Variants in EHBP1 observed in about 807,000 individuals in gnomAD.
EHBP1 encodes EH domain-binding protein 1.
EHBP1 carries 55 observed loss-of-function variants against 144.0 expected under a neutral mutation model. That is an observed-to-expected ratio of 0.38 (90% CI 0.31 to 0.48). The LOEUF (loss-of-function observed/expected upper bound fraction) is 0.48, where lower values mean the gene tolerates loss of function less well. EHBP1 is among the 20% of genes least tolerant of loss of function. The pLI, the probability that EHBP1 is intolerant of heterozygous loss-of-function variation, is 0.98. For missense variants in EHBP1, 1,200 were observed against 1,364.2 expected (o/e 0.88, Z 1.90); for synonymous variants, 469 against 472.7 (o/e 0.99, Z 0.10).
At chr2:62,931,365 C>T (rs1305013497) in intron 10 of EHBP1, among the ~76,000 whole-genome samples, 1 of 152,016 alleles carries the variant, frequency 6.6e-6, no homozygotes, top group African/African-American at 2.4e-5. Flanking sequence ...CTTCAATCCC[C>T]AAAGAAAAAT....
rs141381039 is a variant in EHBP1 at position 63,015,952 on chromosome 2, G to A, written c.3103+19186G>A. Reference sequence around the variant, plus strand: ...AGGCTTTAATATTTCCTCTGCAAAGGAACTTTTCATAAACAGAAACAAAAT... The same window carrying A: ...AGGCTTTAATATTTCCTCTGCAAAGAAACTTTTCATAAACAGAAACAAAAT... On this transcript the variant is annotated intron_variant, in intron 19 of 22. Transcript: ENST00000431489. 8.3e-3 allele frequency among the ~76,000 whole-genome samples: 1,262 copies of A among 152,108 alleles called. 13 individuals carry two copies. Among genetic ancestry groups the A allele is most frequent in the South Asian group, 0.014 (69 of 4,810 alleles).
intron 15 of EHBP1, chr2:62,988,168 GCTTAGTCCAC>G (rs922521091): frequency 3.4e-6 from 2 of 579,860 alleles, no homozygotes; most frequent in African/African-American, 2.0e-5. Context: ...AAACCATTTA[GCTTAGTCCAC>G]CTTCCATCAA....
intron 3 of EHBP1, among the ~76,000 whole-genome samples, chr2:62,751,977 A>G (rs866923998): frequency 2.7e-4 from 39 of 145,338 alleles, no homozygotes; most frequent in African/African-American, 8.9e-4. Flanking sequence ...TTGTGTCTCT[A>G]TCTCCTTCAG....
intron 10 of EHBP1, among the ~76,000 whole-genome samples, chr2:62,900,397 G>T (rs1461523372): frequency 1.3e-5 from 2 of 152,038 alleles, no homozygotes; most frequent in Non-Finnish European, 2.9e-5. Flanking sequence ...GGGGGACACA[G>T]GACTGCTTAA....
At chr2:62,886,135 A>G (rs549623154) in intron 10 of EHBP1, among the ~76,000 whole-genome samples, 1 of 152,156 alleles carries the variant, frequency 6.6e-6, no homozygotes, top group Non-Finnish European at 1.5e-5. Flanking sequence ...CACCTTATAT[A>G]ATGGCTTCCT....
chr2:62,981,545 A>G (rs910942263), intron 15 of EHBP1, among the ~76,000 whole-genome samples: 1 of 152,190 alleles, frequency 6.6e-6, no homozygotes, highest in Non-Finnish European at 1.5e-5. Flanking sequence ...TAAAAATCCT[A>G]TTAATGATAT....
At chr2:62,942,967 T>C in intron 11 of EHBP1, 71 bp downstream of exon 11, 1 of 1,146,172 alleles carries the variant, frequency 8.7e-7, no homozygotes, top group Non-Finnish European at 1.2e-6. Flanking sequence ...CATAAAATAA[T>C]TTCTTAGCAC....
intron 3 of EHBP1, among the ~76,000 whole-genome samples, chr2:62,755,599 A>G (rs2040204731): frequency 1.3e-5 from 2 of 152,214 alleles, no homozygotes; most frequent in Non-Finnish European, 2.9e-5. Flanking sequence ...AATATTGAAG[A>G]GTTTCAGTGG....
chr2:62,737,760 A>T (rs1360095900), intron 2 of EHBP1, among the ~76,000 whole-genome samples: 2 of 150,920 alleles, frequency 1.3e-5, no homozygotes, highest in Non-Finnish European at 3.0e-5. Context: ...GTCTGTCTTT[A>T]AAAAAAAAGA....
intron 8 of EHBP1, among the ~76,000 whole-genome samples, chr2:62,860,294 A>C (rs2049400517): frequency 6.6e-6 from 1 of 152,182 alleles, no homozygotes; most frequent in Non-Finnish European, 1.5e-5. Flanking sequence ...GTTTGCGCCC[A>C]GCCTGACCAA....
intron 3 of EHBP1, among the ~76,000 whole-genome samples, chr2:62,755,067 C>G (rs1317407095): frequency 6.6e-6 from 1 of 152,230 alleles, no homozygotes; most frequent in Non-Finnish European, 1.5e-5. Context: ...AATCACCTGT[C>G]TTCTGCATCG....
At chr2:62,928,095 TA>T (rs1354420359) in intron 10 of EHBP1, among the ~76,000 whole-genome samples, 1 of 152,114 alleles carries the variant, frequency 6.6e-6, no homozygotes, top group African/African-American at 2.4e-5. Flanking sequence ...AAGCAGTGTT[TA>T]GGGGGAAATT....
At chr2:62,749,080 A>G (rs988378854) in intron 3 of EHBP1, among the ~76,000 whole-genome samples, 1 of 152,164 alleles carries the variant, frequency 6.6e-6, no homozygotes, top group Non-Finnish European at 1.5e-5. Context: ...GGTGTGCTGC[A>G]CCCATTAACT....
At chr2:62,895,617 GATTTC>G (rs2052854348) in intron 10 of EHBP1, among the ~76,000 whole-genome samples, 1 of 152,106 alleles carries the variant, frequency 6.6e-6, no homozygotes, top group East Asian at 1.9e-4. Flanking sequence ...CACATGATCA[GATTTC>G]AATAGAATGA....
Position 62,819,570 on chromosome 2 carries a change from C to A in EHBP1, c.313-6517C>A, listed in dbSNP as rs569592024. The stretch of plus-strand genomic sequence containing the variant: ...TGGGGGTGTGGGAGTTTGAGACCAG[C>A]CTGGCCAACATGGTGAAACCCCGTC... On this transcript the variant is annotated intron_variant, in intron 5 of 22. Coordinates refer to ENST00000431489, the MANE Select transcript of EHBP1 (RefSeq NM_001142616.3). Among the ~76,000 whole-genome samples, 3 of 152,084 alleles carry A rather than the reference C, an allele frequency of 2.0e-5. 1 individual carries two copies. The South Asian group carries it at 6.2e-4, about 32-fold the overall frequency.
intron 9 of EHBP1, among the ~76,000 whole-genome samples, chr2:62,867,233 A>G (rs939214652): frequency 6.6e-6 from 1 of 152,146 alleles, no homozygotes; most frequent in African/African-American, 2.4e-5. Context: ...GGTTGTGTAA[A>G]GGCTGAGTAG....
intron 7 of EHBP1, among the ~76,000 whole-genome samples, chr2:62,837,854 C>T (rs1298714595): frequency 1.3e-5 from 2 of 150,970 alleles, no homozygotes; most frequent in Admixed American, 1.3e-4. Flanking sequence ...TCCTGAGTGA[C>T]CTACAAAGAG....
At chr2:62,879,459 C>G (rs1015854738) in intron 10 of EHBP1, among the ~76,000 whole-genome samples, 1 of 151,490 alleles carries the variant, frequency 6.6e-6, no homozygotes, top group Non-Finnish European at 1.5e-5. Context: ...AATTTCTGTA[C>G]AAAAATCCAT....
chr2:62,861,771 T>G (rs938773104), intron 8 of EHBP1, among the ~76,000 whole-genome samples: 1 of 151,560 alleles, frequency 6.6e-6, no homozygotes. Flanking sequence ...AGAAAGAAAG[T>G]CTTCTCTTAA....
Sources: gnomAD v4.1 joint callset for allele counts (sites outside exome capture counted in the v4.1 genomes callset) on GRCh38, gnomAD v4.1.1 for gene constraint, MANE v1.5 for transcripts, NCBI Gene and HGNC (gene_info 2026-07-23, HGNC 2026-07-21) for gene names.